The following NEK1 variants were observed in gnomAD, a reference collection of about 807,000 sequenced individuals.
NEK1 encodes the protein NIMA related kinase 1.
In NEK1, 137 loss-of-function variants were observed where a neutral mutation model predicts 182.1. The ratio of observed to expected loss-of-function variants is 0.75; its 90% CI spans 0.65 to 0.87. The LOEUF (loss-of-function observed/expected upper bound fraction) is 0.87. Ranked by LOEUF, NEK1 falls within the 40% of genes least tolerant of loss-of-function variation. NEK1 has a pLI of 0.00. For synonymous variants in NEK1, 513 were observed against 492.2 expected (o/e 1.04, Z -0.56); for missense variants, 1,391 against 1,494.4 (o/e 0.93, Z 1.14).
chr4:169,516,471 G>T (rs918271559), intron 19 of NEK1, among the ~76,000 whole-genome samples: 2 of 95,230 alleles, frequency 2.1e-5, no homozygotes, highest in Admixed American at 1.1e-4. Context: ...CACTCTGATG[G>T]TAGTTTCTTT....
At chr4:169,495,655 A>G (rs1048284683) in intron 23 of NEK1, among the ~76,000 whole-genome samples, 3 of 152,230 alleles carry the variant, frequency 2.0e-5, no homozygotes, top group Non-Finnish European at 4.4e-5. Context: ...TTTATTAAAT[A>G]GGGAATCCTT....
intron 27 of NEK1, among the ~76,000 whole-genome samples, chr4:169,447,719 A>T (rs1270447842): frequency 6.6e-6 from 1 of 152,000 alleles, no homozygotes; most frequent in Non-Finnish European, 1.5e-5. Flanking sequence ...ATACAAAAAA[A>T]TTAGCCAGGT....
rs573934561 is a variant in NEK1, at chr4:169,547,623, A to T, written c.1562+8097T>A. 8.6e-5 allele frequency among the ~76,000 whole-genome samples: 13 copies of T among 152,046 alleles called. No homozygotes were observed. In the South Asian group the frequency reaches 2.7e-3, roughly 32 times the overall value. ...TTTCAGGTACACCAAACAAATGTAG[A>T]TTTGGTCTTTTCGCATACTCCCATA... On this transcript the variant is annotated intron_variant, in intron 18 of 35. Coordinates refer to ENST00000507142, the MANE Select transcript of NEK1 (RefSeq NM_001199397.3).
intron 18 of NEK1, among the ~76,000 whole-genome samples, chr4:169,548,261 C>T (rs934959294): frequency 3.3e-5 from 5 of 152,316 alleles, no homozygotes. Context: ...GAGGTCCACT[C>T]CAGACTGTGT....
chr4:169,525,188 G>A (rs913635723), intron 19 of NEK1, among the ~76,000 whole-genome samples: 1 of 152,074 alleles, frequency 6.6e-6, no homozygotes, highest in Non-Finnish European at 1.5e-5. Context: ...GAGTGCAGTG[G>A]TGCGATCTTG....
intron 24 of NEK1, chr4:169,478,407 T>C (rs1747365974): frequency 1.3e-5 from 2 of 151,890 alleles, no homozygotes; most frequent in Non-Finnish European, 2.9e-5. Context: ...GAACAGCTAT[T>C]GAGATGTGAG....
In NEK1 at chr4:169,551,140, A is replaced by G. The variant is rs536888980; in HGVS notation, c.1562+4580T>C. 1.8e-4 allele frequency among the ~76,000 whole-genome samples: 27 copies of G among 152,352 alleles called. No homozygotes were observed. The South Asian group carries it at 5.0e-3, about 28-fold the overall frequency. On this transcript the variant is annotated intron_variant, in intron 18 of 35. Coordinates refer to ENST00000507142, the MANE Select transcript of NEK1 (RefSeq NM_001199397.3). Reference sequence around the variant, plus strand: ...CTATTGTTTAAACAGTGCAGAATACAGTGAAAACTTCATCTCCTATGCTAC... The same window carrying G: ...CTATTGTTTAAACAGTGCAGAATACGGTGAAAACTTCATCTCCTATGCTAC...
At chr4:169,556,199 A>C (rs1762142688) in intron 16 of NEK1, 104 bp from the exon 17 acceptor site, 1 of 1,037,742 alleles carries the variant, frequency 9.6e-7, no homozygotes, top group Admixed American at 3.1e-5. Flanking sequence ...ACTTTTAAAA[A>C]GTAATTACTT....
rs1341587046 is a variant in NEK1, at chr4:169,477,433, G to A, written c.2204C>T (p.Ser735Leu). ...EEMQKTNNAI[S>L]SKREILRRLN... ...ATAAACTTTGAAAATTTTACTTACT[G>A]AAATAGCATTGTTGGTCTTTTGCAT... The change falls in exon 25 of 36, where the codon TCA becomes TTA. Residue 735 changes from serine to leucine, a missense_variant and splice_region_variant. This residue lies in a region of NEK1 where 1,216 missense variants were observed against 1,277.6 expected (regional missense o/e 0.95). Coordinates refer to ENST00000507142, the MANE Select transcript of NEK1 (RefSeq NM_001199397.3). 6.2e-7 allele frequency: 1 copy of A among 1,602,744 alleles called. No individual in the cohort carries two copies. The highest frequency in any genetic ancestry group is 1.7e-5 in the Admixed American group (1 of 59,042).
chr4:169,524,851 T>G (rs1225146499), intron 19 of NEK1, among the ~76,000 whole-genome samples: 1 of 152,240 alleles, frequency 6.6e-6, no homozygotes, highest in Non-Finnish European at 1.5e-5. Flanking sequence ...AACGGTGTAC[T>G]GGAACACATT....
chr4:169,522,555 T>C (rs1450776026), intron 19 of NEK1, among the ~76,000 whole-genome samples: 1 of 152,208 alleles, frequency 6.6e-6, no homozygotes, highest in African/African-American at 2.4e-5. Flanking sequence ...GCAGTTCGGT[T>C]TTCTGAAAAC....
chr4:169,559,014 T>C (rs1019303583), intron 16 of NEK1, among the ~76,000 whole-genome samples: 12 of 152,158 alleles, frequency 7.9e-5, no homozygotes, highest in African/African-American at 2.9e-4. Context: ...GGAATAAATA[T>C]AGAAACTAAC....
chr4:169,549,025 A>C (rs1002925019), intron 18 of NEK1, among the ~76,000 whole-genome samples: 1 of 151,530 alleles, frequency 6.6e-6, no homozygotes, highest in South Asian at 2.1e-4. Context: ...ATGAAAAAAA[A>C]CTCCTTTGGC....
At chr4:169,595,248 T>C (rs1561479970) in intron 5 of NEK1, among the ~76,000 whole-genome samples, 1 of 152,206 alleles carries the variant, frequency 6.6e-6, no homozygotes, top group African/African-American at 2.4e-5. Context: ...TAGGAATGAA[T>C]AAACTGAATT....
At chr4:169,521,088 G>A (rs1240629024) in intron 19 of NEK1, among the ~76,000 whole-genome samples, 11,386 of 60,978 alleles carry the variant, frequency 0.19, 1 homozygote, top group East Asian at 0.39. Flanking sequence ...GGGCAATGGC[G>A]GGCGCCCCTC....
intron 27 of NEK1, among the ~76,000 whole-genome samples, chr4:169,462,531 C>T (rs376623015): frequency 2.0e-5 from 3 of 152,122 alleles, no homozygotes; most frequent in South Asian, 4.1e-4. Flanking sequence ...AACATATCAG[C>T]AGTGTCATCT....
At chr4:169,409,065 T>C (rs1733157712) in intron 31 of NEK1, among the ~76,000 whole-genome samples, 1 of 152,218 alleles carries the variant, frequency 6.6e-6, no homozygotes, top group Admixed American at 6.5e-5. Context: ...TCCATAGTGG[T>C]TGTACTAATT....
chr4:169,590,599 A>G (rs1768297824), intron 6 of NEK1, 127 bp downstream of exon 6: 1 of 593,020 alleles, frequency 1.7e-6, no homozygotes, highest in Non-Finnish European at 3.0e-6. Context: ...GATGAATAGG[A>G]TAAAAAGGAA....
In NEK1 at chr4:169,426,154, A is replaced by G. The variant is rs1481803080; in HGVS notation, c.2966T>C (p.Ile989Thr). 6.2e-7 allele frequency: 1 copy of G among 1,612,456 alleles called. No individual in the cohort carries two copies. The highest frequency in any genetic ancestry group is 8.5e-7 in the Non-Finnish European group (1 of 1,178,770). The change falls in exon 30 of 36, where the codon ATT becomes ACT. Residue 989 changes from isoleucine (I) to threonine (T), a missense_variant. This residue lies in a region of NEK1 where 1,216 missense variants were observed against 1,277.6 expected (regional missense o/e 0.95). Transcript: ENST00000507142. Reference protein sequence around the residue: ...VSSTVDQLSDIHIEPGTNDSQ... With the variant: ...VSSTVDQLSDTHIEPGTNDSQ... ...AATGCAATGATGCTTACCTATATGA[A>G]TGTCACTAAGTTGGTCCACAGTACT...
Sources: allele counts gnomAD v4.1 joint callset (sites outside exome capture counted in the v4.1 genomes callset), GRCh38; gene constraint gnomAD v4.1.1; regional missense constraint gnomAD v4.1.1; transcripts MANE v1.5; gene names NCBI Gene and HGNC (gene_info 2026-07-23, HGNC 2026-07-21).